Variants in MYO3A observed in about 807,000 individuals in gnomAD.
The protein encoded by MYO3A is myosin IIIA.
A neutral mutation model predicts 192.7 loss-of-function variants in MYO3A; 180 were observed. The ratio of observed to expected loss-of-function variants is 0.93; its 90% CI spans 0.83 to 1.06. MYO3A has a LOEUF of 1.06. Among genes scored for constraint, MYO3A ranks in the 50% least tolerant of loss-of-function variants. The probability of loss-of-function intolerance (pLI) is 0.00; values close to 1 mark genes in which losing one functional copy is unlikely to be tolerated. For synonymous variants in MYO3A, 628 were observed against 645.3 expected, an observed-to-expected ratio of 0.97 and a Z score of 0.41; for missense variants, 1,896 against 1,905.0, an observed-to-expected ratio of 1.00 and a Z score of 0.09.
At chr10:26,067,700 A>G (rs1834938472) in intron 11 of MYO3A, among the ~76,000 whole-genome samples, 1 of 152,138 alleles carries the variant, frequency 6.6e-6, no homozygotes, top group African/African-American at 2.4e-5. Context: ...GAAGGTAGAG[A>G]TCCAAGCTAT....
intron 2 of MYO3A, among the ~76,000 whole-genome samples, chr10:25,945,295 C>G (rs1447791751): frequency 6.6e-6 from 1 of 152,078 alleles, no homozygotes; most frequent in Non-Finnish European, 1.5e-5. Flanking sequence ...AACACATAGT[C>G]TATCCTGAAG....
rs568984274 is a variant in MYO3A at position 26,120,032 on chromosome 10, GTGGCATGCAAC to G, written c.1777-641_1777-631del. ...AAAAAAAAAAAATTAGCTGGGCATG[GTGGCATGCAAC>G]TGTACATCTACACAGGAGTCGCAGG... On this transcript the variant is annotated intron_variant, in intron 17 of 34. Coordinates refer to ENST00000642920, the MANE Select transcript of MYO3A (RefSeq NM_017433.5). 6.7e-3 allele frequency among the ~76,000 whole-genome samples: 1,020 copies of G among 151,556 alleles called. 12 individuals carry two copies. Among genetic ancestry groups the G allele is most frequent in the African/African-American group, 0.023 (956 of 41,282 alleles).
At chr10:26,209,362 C>T (rs369001894) in intron 34 of MYO3A, among the ~76,000 whole-genome samples, 1 of 152,192 alleles carries the variant, frequency 6.6e-6, no homozygotes, top group African/African-American at 2.4e-5. Context: ...GCATTCAGAT[C>T]CATCTTAAAA....
In MYO3A at chr10:26,203,114, A is replaced by G. The variant is rs760092039; in HGVS notation, c.4730+7A>G. On this transcript the variant is annotated splice_region_variant and intron_variant, in intron 34 of 34. Coordinates refer to ENST00000642920, the MANE Select transcript of MYO3A (RefSeq NM_017433.5). ...GTATTAAGGCTAATGAAAGGTAAAA[A>G]GCTAAACTTTAAAGTACATCATTTG... The G allele has an allele frequency of 3.1e-6, 5 of 1,613,222 alleles. No homozygotes were observed. The East Asian group carries it at 1.1e-4, about 36-fold the overall frequency.
intron 2 of MYO3A, among the ~76,000 whole-genome samples, chr10:25,940,530 A>T (rs993390603): frequency 5.3e-5 from 8 of 152,108 alleles, no homozygotes; most frequent in Non-Finnish European, 1.2e-4. Flanking sequence ...ATTATATAAC[A>T]TACAGTTTCT....
Position 25,934,386 on chromosome 10 carries a change from G to A in MYO3A, c.-105+58G>A, listed in dbSNP as rs566215989. ...GGGGCGGCGGTGGGTAGCGGCGCCCGCGCGGCGCTGGAAACGGCCCCGCTT... is the reference window on the plus strand; with the variant it reads ...GGGGCGGCGGTGGGTAGCGGCGCCCACGCGGCGCTGGAAACGGCCCCGCTT... On this transcript the variant is annotated intron_variant, in intron 1 of 34. Transcript: ENST00000642920. The A allele has an allele frequency of 9.5e-3, 1,454 of 152,368 alleles. 13 individuals carry two copies. Among genetic ancestry groups the A allele is most frequent in the Non-Finnish European group, 0.014 (965 of 68,132 alleles). 9.4% of individuals were successfully genotyped at this position (152,368 alleles called of 1,614,324 possible).
At chr10:26,052,452 CT>C (rs1307536804) in intron 10 of MYO3A, among the ~76,000 whole-genome samples, 1 of 152,138 alleles carries the variant, frequency 6.6e-6, no homozygotes, top group Non-Finnish European at 1.5e-5. Context: ...CTGGTGTGTG[CT>C]TCCTTCTCCA....
At chr10:26,074,061 AT>A (rs1302001962) in intron 14 of MYO3A, among the ~76,000 whole-genome samples, 1 of 152,186 alleles carries the variant, frequency 6.6e-6, no homozygotes, top group African/African-American at 2.4e-5. Flanking sequence ...ATAAAATTGT[AT>A]TTTAATAACA....
intron 20 of MYO3A, 123 bp from the exon 21 acceptor site, chr10:26,143,325 C>T (rs563238715): frequency 4.9e-5 from 48 of 973,492 alleles, no homozygotes; most frequent in Non-Finnish European, 6.1e-5. Context: ...AGCGAGTCTC[C>T]GTCACAAAAA....
At chr10:26,120,648 A>T (rs1395149357) in intron 17 of MYO3A, 28 bp from the exon 18 acceptor site, 1 of 1,613,682 alleles carries the variant, frequency 6.2e-7, no homozygotes, top group Non-Finnish European at 8.5e-7. Flanking sequence ...GGAAAGAATG[A>T]TGCCAATGTT....
chr10:26,171,252 A>C (rs1040243785), intron 29 of MYO3A, among the ~76,000 whole-genome samples: 6 of 152,160 alleles, frequency 3.9e-5, no homozygotes, highest in African/African-American at 1.4e-4. Flanking sequence ...AACTGAGTAC[A>C]TGGTCATCCA....
At chr10:26,187,887 A>G (rs1420488194) in intron 31 of MYO3A, among the ~76,000 whole-genome samples, 2 of 152,026 alleles carry the variant, frequency 1.3e-5, no homozygotes, top group Non-Finnish European at 2.9e-5. Flanking sequence ...AGTCCAGTCT[A>G]TCATTGTTGG....
chr10:25,957,423 T>G (rs1211404963), intron 4 of MYO3A, among the ~76,000 whole-genome samples: 1 of 152,170 alleles, frequency 6.6e-6, no homozygotes, highest in East Asian at 1.9e-4. Flanking sequence ...CATAAGTCCT[T>G]TAAACCTTTC....
chr10:25,952,049 A>C, intron 2 of MYO3A, 45 bp from the exon 3 acceptor site: 2 of 1,445,150 alleles, frequency 1.4e-6, no homozygotes, highest in South Asian at 1.2e-5. Context: ...GTGCCATTTG[A>C]TATCCTCAAT....
intron 14 of MYO3A, among the ~76,000 whole-genome samples, chr10:26,083,843 G>A (rs1308907081): frequency 1.3e-5 from 2 of 152,162 alleles, no homozygotes; most frequent in South Asian, 2.1e-4. Flanking sequence ...CTTTTCTATT[G>A]CCTAAGAAAA....
intron 19 of MYO3A, 133 bp from the exon 20 acceptor site, chr10:26,128,258 A>G (rs1839327624): frequency 1.2e-6 from 1 of 869,212 alleles, no homozygotes; most frequent in Non-Finnish European, 1.8e-6. Flanking sequence ...ATTTCAGTTA[A>G]GAAAGTTTCA....
chr10:25,960,644 TAAGTGG>T (rs1289211992), intron 4 of MYO3A, among the ~76,000 whole-genome samples: 3 of 152,146 alleles, frequency 2.0e-5, no homozygotes, highest in South Asian at 2.1e-4. Context: ...TACTGTTCAT[TAAGTGG>T]AAGTGGATCA....
At chr10:26,175,163 G>A (rs1314536055) in intron 30 of MYO3A, among the ~76,000 whole-genome samples, 5 of 152,216 alleles carry the variant, frequency 3.3e-5, no homozygotes, top group African/African-American at 1.2e-4. Flanking sequence ...AGCATAGGAA[G>A]CAACAGGTTT....
intron 6 of MYO3A, among the ~76,000 whole-genome samples, chr10:25,999,281 A>T (rs187719604): frequency 6.6e-6 from 1 of 152,214 alleles, no homozygotes; most frequent in Non-Finnish European, 1.5e-5. Flanking sequence ...TGATTTATAG[A>T]TTTTTGGCAA....
Sources: allele counts gnomAD v4.1 joint callset (sites outside exome capture counted in the v4.1 genomes callset), GRCh38; gene constraint gnomAD v4.1.1; transcripts MANE v1.5; gene names NCBI Gene and HGNC (gene_info 2026-07-23, HGNC 2026-07-21).